Variants in CLEC4D observed in about 807,000 individuals in gnomAD.
CLEC4D encodes the protein C-type lectin domain family 4 member D.
In CLEC4D, 21 loss-of-function variants were observed where a neutral mutation model predicts 21.1. That is an observed-to-expected ratio of 1.00 (90% CI 0.71 to 1.43). The LOEUF is 1.43. Among genes scored for constraint, CLEC4D ranks in the 40% most tolerant of loss-of-function variants. The probability of loss-of-function intolerance (pLI) is 0.00; values close to 1 mark genes in which losing one functional copy is unlikely to be tolerated. For synonymous variants in CLEC4D, 85 were observed against 83.1 expected (o/e 1.02, Z -0.12); for missense variants, 289 against 260.7 (o/e 1.11, Z -0.75).
intron 2 of CLEC4D, among the ~76,000 whole-genome samples, chr12:8,516,555 C>T (rs1940384161): frequency 6.6e-6 from 1 of 152,190 alleles, no homozygotes; most frequent in Non-Finnish European, 1.5e-5. Flanking sequence ...AGTGAGACAC[C>T]TTTGCAAACA....
chr12:8,517,554 A>C (rs1301659618), intron 2 of CLEC4D, among the ~76,000 whole-genome samples: 1 of 151,562 alleles, frequency 6.6e-6, no homozygotes, highest in Admixed American at 6.6e-5. Context: ...GGTTCATACA[A>C]CCCAGCGCGC....
chr12:8,519,077 GACA>G lies in CLEC4D; in HGVS notation c.306_308del (p.Asn102del). 3 of 1,614,136 alleles carry G rather than the reference GACA, an allele frequency of 1.9e-6. No individual in the cohort carries two copies. Among genetic ancestry groups the G allele is most frequent in the Non-Finnish European group, 1.7e-6 (2 of 1,180,002 alleles). On this transcript the variant is annotated inframe_deletion, in exon 4 of 6. Transcript: ENST00000299665. Reference sequence around the variant, plus strand: ...GTCCAACTGCTATTTTCCTCTTACTGACAACAAGACGTGGGCTGAGAGTGAAAG... The same window carrying G: ...GTCCAACTGCTATTTTCCTCTTACTGACAAGACGTGGGCTGAGAGTGAAAG...
At chr12:8,523,055 T>C (rs1591721425), downstream of CLEC4D, among the ~76,000 whole-genome samples, 1 of 152,348 alleles carries the variant, frequency 6.6e-6, no homozygotes, top group East Asian at 1.9e-4. Flanking sequence ...CATTGGTCTA[T>C]ATGTCTGTTT....
In CLEC4D at chr12:8,513,837, G is replaced by A. The variant is rs1368853839; in HGVS notation, c.28+77G>A. The stretch of plus-strand genomic sequence containing the variant: ...ATTTAAAACATATGAATTGATGGTA[G>A]TTTTAAAGATTGTTGATGATGACGG... On this transcript the variant is annotated intron_variant, in intron 1 of 5. Coordinates refer to ENST00000299665, the MANE Select transcript of CLEC4D (RefSeq NM_080387.5). The A allele has an allele frequency of 5.1e-6, 4 of 776,724 alleles. No individual in the cohort carries two copies. In the African/African-American group the frequency reaches 6.9e-5, roughly 13 times the overall value. 48.1% of individuals were successfully genotyped at this position (776,724 alleles called of 1,614,324 possible).
chr12:8,522,420 C>CT (rs1014041071), downstream of CLEC4D: 2 of 152,094 alleles, frequency 1.3e-5, no homozygotes, highest in African/African-American at 4.8e-5. Flanking sequence ...CAAGCAACAG[C>CT]TTTTTAACCT....
At chr12:8,528,927 TATAG>T in the CLEC4D span, among the ~76,000 whole-genome samples, 1 of 151,832 alleles carries the variant, frequency 6.6e-6, no homozygotes, top group Non-Finnish European at 1.5e-5. Context: ...ACTAAACATA[TATAG>T]ATATATAATC....
the CLEC4D span, among the ~76,000 whole-genome samples, chr12:8,530,408 A>C: frequency 2.6e-5 from 4 of 151,960 alleles, no homozygotes; most frequent in Non-Finnish European, 4.4e-5. Flanking sequence ...AGTGAAAGGC[A>C]AAAATGTGAG....
chr12:8,519,345 A>G (rs1940427904), intron 4 of CLEC4D, among the ~76,000 whole-genome samples, 185 bp downstream of exon 4: 1 of 151,968 alleles, frequency 6.6e-6, no homozygotes. Context: ...TATTTGATTC[A>G]TATGTTATTT....
intron 1 of CLEC4D, 85 bp from the exon 2 acceptor site, chr12:8,515,151 C>T: frequency 2.7e-6 from 2 of 737,044 alleles, no homozygotes; most frequent in Non-Finnish European, 4.8e-6. Flanking sequence ...GGTTTGCTGT[C>T]ACTTTTAGAT....
At chr12:8,524,494 A>AT (rs1356445909), downstream of CLEC4D, among the ~76,000 whole-genome samples, 1 of 151,960 alleles carries the variant, frequency 6.6e-6, no homozygotes, top group African/African-American at 2.4e-5. Context: ...GCTTAGAGGT[A>AT]TTTATAGTAT....
chr12:8,524,568 G>A (rs1200223348), downstream of CLEC4D, among the ~76,000 whole-genome samples: 1 of 152,028 alleles, frequency 6.6e-6, no homozygotes, highest in East Asian at 1.9e-4. Flanking sequence ...ATTTTTTACT[G>A]TGTCTGTTTG....
intron 1 of CLEC4D, among the ~76,000 whole-genome samples, chr12:8,514,345 C>T (rs919973260): frequency 2.0e-5 from 3 of 151,998 alleles, no homozygotes; most frequent in Non-Finnish European, 2.9e-5. Flanking sequence ...TGATTACATG[C>T]TTATTTAATT....
chr12:8,521,434 G>GTGTGTA lies in CLEC4D; in HGVS notation c.*169_*174dup, dbSNP rs1940458552. 3 of 1,359,712 alleles carry GTGTGTA rather than the reference G, an allele frequency of 2.2e-6. No homozygotes were observed. The highest frequency in any genetic ancestry group is 2.9e-6 in the Non-Finnish European group (3 of 1,043,484). 84.2% of individuals were successfully genotyped at this position (1,359,712 alleles called of 1,614,324 possible). A position where few individuals can be genotyped will look rare whatever the true frequency, so the allele number is the denominator to read the frequency against. On this transcript the variant is annotated 3_prime_UTR_variant, in exon 6 of 6. Coordinates refer to ENST00000299665, the MANE Select transcript of CLEC4D (RefSeq NM_080387.5). Reference sequence around the variant, plus strand: ...TTGTTTGATTCATTCGAGACAACATGTGTGTATGTGTGTGTGTGTGTGTGT... The same window carrying GTGTGTA: ...TTGTTTGATTCATTCGAGACAACATGTGTGTATGTGTATGTGTGTGTGTGTGTGTGT...
At position 8,522,266 on chromosome 12, in the gene CLEC4D, T is replaced by G. The variant is rs1940467649; in HGVS notation, c.*995T>G. The stretch of plus-strand genomic sequence containing the variant: ...TAGTTTGAACTAGCAAGGAAGTTAT[T>G]GTTTTGACAACCAGAAATTATGCTT... On this transcript the variant is annotated 3_prime_UTR_variant, in exon 6 of 6. Coordinates refer to ENST00000299665, the MANE Select transcript of CLEC4D (RefSeq NM_080387.5). The G allele has an allele frequency of 1.3e-5, 2 of 152,190 alleles. No individual in the cohort carries two copies. Among genetic ancestry groups the G allele is most frequent in the Non-Finnish European group, 2.9e-5 (2 of 68,000 alleles). 9.4% of individuals were successfully genotyped at this position (152,190 alleles called of 1,614,324 possible).
downstream of CLEC4D, among the ~76,000 whole-genome samples, chr12:8,525,601 G>A (rs146864404): frequency 1.6e-3 from 237 of 152,162 alleles, no homozygotes; most frequent in African/African-American, 5.1e-3. Context: ...AAGATGGGTC[G>A]CCTGAATACA....
chr12:8,518,548 A>G (rs1181627721), intron 3 of CLEC4D, among the ~76,000 whole-genome samples: 2 of 152,260 alleles, frequency 1.3e-5, no homozygotes, highest in Non-Finnish European at 2.9e-5. Flanking sequence ...ATTCAGACAT[A>G]TGATAAAGAC....
chr12:8,523,761 T>A (rs1405304158), downstream of CLEC4D, among the ~76,000 whole-genome samples: 2 of 152,238 alleles, frequency 1.3e-5, no homozygotes, highest in African/African-American at 4.8e-5. Context: ...AGAGAGGACA[T>A]CCTTGTCTTG....
At position 8,513,777 on chromosome 12, in the gene CLEC4D, CT is replaced by C; in HGVS notation, c.28+20del. The C allele has an allele frequency of 3.0e-6, 3 of 1,004,882 alleles. No homozygotes were observed. Among genetic ancestry groups the C allele is most frequent in the Non-Finnish European group, 4.8e-6 (3 of 625,872 alleles). The allele number at this position is 1,004,882 out of a possible 1,614,324, so 62.2% of individuals were successfully genotyped here. A position where few individuals can be genotyped will look rare whatever the true frequency, so the allele number is the denominator to read the frequency against. ...AAAGTAAACGTGAGTACTTTCTCTCCTTTCCATTTCAAAGAAGCAGATGGAA... is the reference window on the plus strand; with the variant it reads ...AAAGTAAACGTGAGTACTTTCTCTCCTTCCATTTCAAAGAAGCAGATGGAA... On this transcript the variant is annotated intron_variant, in intron 1 of 5. Coordinates refer to ENST00000299665, the MANE Select transcript of CLEC4D (RefSeq NM_080387.5).
At chr12:8,525,173 C>G (rs766219281), downstream of CLEC4D, among the ~76,000 whole-genome samples, 3 of 152,118 alleles carry the variant, frequency 2.0e-5, no homozygotes, top group Admixed American at 6.5e-5. Context: ...AATGTATATT[C>G]TGCTGATTTG....
Sources: gnomAD v4.1 joint callset for allele counts (sites outside exome capture counted in the v4.1 genomes callset) on GRCh38, gnomAD v4.1.1 for gene constraint, MANE v1.5 for transcripts, NCBI Gene and HGNC (gene_info 2026-07-23, HGNC 2026-07-21) for gene names.